The following EFS variants were observed in gnomAD, a reference collection of about 807,000 sequenced individuals.
EFS encodes the protein embryonal Fyn-associated substrate.
In EFS, 34 loss-of-function variants were observed where a neutral mutation model predicts 42.2. That is an observed-to-expected ratio of 0.81 (90% CI 0.61 to 1.07). EFS has a LOEUF of 1.07. Ranked by LOEUF, EFS falls within the 50% of genes least tolerant of loss-of-function variation. EFS has a pLI of 0.00. For missense variants in EFS, 717 were observed against 729.4 expected (o/e 0.98, Z 0.20); for synonymous variants, 299 against 320.7 (o/e 0.93, Z 0.72).
At chr14:23,361,679 CA>C (rs1416271777) in intron 1 of EFS, among the ~76,000 whole-genome samples, 1 of 152,148 alleles carries the variant, frequency 6.6e-6, no homozygotes, top group African/African-American at 2.4e-5. Context: ...ATTCTGTTTC[CA>C]GTCCTGTCTG....
chr14:23,360,148 G>T lies in EFS; in HGVS notation c.431C>A (p.Ala144Asp). 1.2e-6 allele frequency: 2 copies of T among 1,614,162 alleles called. No individual in the cohort carries two copies. Among genetic ancestry groups the T allele is most frequent in the South Asian group, 2.2e-5 (2 of 91,070 alleles). The change falls in exon 3 of 6, where the codon GCC (alanine) becomes GAC (aspartate). Residue 144 changes from alanine (A) to aspartate (D), a missense_variant. Coordinates refer to ENST00000216733, the MANE Select transcript of EFS (RefSeq NM_005864.4). The part of the protein sequence containing the change: ...SGTQLAAPRD[A>D]LEVYDVPPTA... ...GGGACCTCTAGCCCTCACCTCCAAGGCATCTCTGGGAGCAGCCAGCTGGGT... is the reference window on the plus strand; with the variant it reads ...GGGACCTCTAGCCCTCACCTCCAAGTCATCTCTGGGAGCAGCCAGCTGGGT...
intron 5 of EFS, 79 bp from the exon 6 acceptor site, chr14:23,357,739 C>G: frequency 7.8e-7 from 1 of 1,277,692 alleles, no homozygotes. Context: ...TCCTTCCTCT[C>G]TTTCTTCCCA....
At chr14:23,358,077 C>T (rs1281979669) in intron 5 of EFS, among the ~76,000 whole-genome samples, 1 of 152,042 alleles carries the variant, frequency 6.6e-6, no homozygotes, top group Non-Finnish European at 1.5e-5. Flanking sequence ...ATATAATCAA[C>T]ATGAAAATTA....
chr14:23,360,578 C>A lies in EFS; in HGVS notation c.274G>T (p.Asp92Tyr), dbSNP rs1244900401. 6.4e-7 allele frequency: 1 copy of A among 1,561,898 alleles called. No homozygotes were observed. ...ACCTCCTGGTCCTCATTGCTGTGAT[C>A]TGGGGCTGGATATGGTGAGCCAGGC... is the stretch of plus-strand genomic sequence containing the variant. ...AQPGSPYPAPDHSNEDQEVYV... is the reference protein window; with the variant it reads ...AQPGSPYPAPYHSNEDQEVYV... The change falls in exon 2 of 6, where the codon GAT becomes TAT. Residue 92 changes from aspartate to tyrosine, a missense_variant. Transcript: ENST00000216733.
chr14:23,362,861 G>A (rs560352480), intron 1 of EFS, among the ~76,000 whole-genome samples: 3 of 151,702 alleles, frequency 2.0e-5, no homozygotes, highest in South Asian at 4.2e-4. Context: ...CTAAATACCT[G>A]GGATTACCGT....
intron 1 of EFS, among the ~76,000 whole-genome samples, chr14:23,361,205 T>C (rs1389817070): frequency 1.3e-5 from 2 of 152,236 alleles, no homozygotes; most frequent in Non-Finnish European, 2.9e-5. Context: ...ACGGCTATAT[T>C]TCTAGTCCTT....
rs758684896 is a variant in EFS at position 23,359,556 on chromosome 14, G to A, written c.922C>T (p.Pro308Ser). 93 of 1,501,066 alleles carry A rather than the reference G, an allele frequency of 6.2e-5. 1 individual carries two copies. In the South Asian group the frequency reaches 1.2e-3, roughly 19 times the overall value. The allele number at this position is 1,501,066 out of a possible 1,614,324, so 93.0% of individuals were successfully genotyped here. The change falls in exon 4 of 6, where the codon CCT becomes TCT. Residue 308 changes from proline to serine, a missense_variant. Transcript: ENST00000216733. Reference sequence around the variant, plus strand: ...GGGGCCTCAGGGACAGGCAGGGCAGGCAGAGGGCGGCGGGACAGGCTCTCA... The same window carrying A: ...GGGGCCTCAGGGACAGGCAGGGCAGACAGAGGGCGGCGGGACAGGCTCTCA... ...SAESLSRRPLPALPVPEAPSP... is the reference protein window; with the variant it reads ...SAESLSRRPLSALPVPEAPSP...
intron 1 of EFS, among the ~76,000 whole-genome samples, chr14:23,364,377 AG>A: frequency 6.6e-6 from 1 of 152,256 alleles, no homozygotes; most frequent in Non-Finnish European, 1.5e-5. Context: ...TAGGTGGCAG[AG>A]AGCCTCTGTG....
chr14:23,360,245 TTG>T lies in EFS; in HGVS notation c.332_333del (p.Pro111HisfsTer14), dbSNP rs1355439348. 1 of 1,613,512 alleles carries T rather than the reference TTG, an allele frequency of 6.2e-7. No homozygotes were observed. Among genetic ancestry groups the T allele is most frequent in the Non-Finnish European group, 8.5e-7 (1 of 1,179,874 alleles). ...YVVPPPARPC[P>X]TSGPPAGPCP... ...CAAGGTCCAGCTGGAGGTCCTGAGG[TTG>T]GACAGGGCCGAGCTGGGGGCGGCAC... is the stretch of plus-strand genomic sequence containing the variant. On this transcript the variant is annotated frameshift_variant, in exon 3 of 6. Coordinates refer to ENST00000216733, the MANE Select transcript of EFS (RefSeq NM_005864.4). LOFTEE classifies it high-confidence loss of function.
In EFS at chr14:23,360,055, G is replaced by A. The variant is rs770322890; in HGVS notation, c.439-16C>T. ...CATCGTAGACCTGCGGAAAGGAGTG[G>A]TCAGTCATCTGTCAGCTCAGCGATG... On this transcript the variant is annotated splice_polypyrimidine_tract_variant and intron_variant, in intron 3 of 5. Coordinates refer to ENST00000216733, the MANE Select transcript of EFS (RefSeq NM_005864.4). The A allele has an allele frequency of 6.2e-7, 1 of 1,613,868 alleles. No individual in the cohort carries two copies. Among genetic ancestry groups the A allele is most frequent in the South Asian group, 1.1e-5 (1 of 91,054 alleles).
At chr14:23,361,158 T>C (rs1595028440) in intron 1 of EFS, among the ~76,000 whole-genome samples, 2 of 152,358 alleles carry the variant, frequency 1.3e-5, no homozygotes, top group Middle Eastern at 6.8e-3. Context: ...TTTGTATCGA[T>C]TTCTTCCCTT....
intron 4 of EFS, 138 bp downstream of exon 4, chr14:23,359,179 G>C: frequency 7.3e-7 from 1 of 1,374,280 alleles, no homozygotes; most frequent in Non-Finnish European, 1.0e-6. Flanking sequence ...GCCAAGTACT[G>C]GGGTCCCAGG....
Position 23,360,832 on chromosome 14 carries a change from G to A in EFS, c.20C>T (p.Thr7Ile). 2.5e-6 allele frequency: 4 copies of A among 1,609,502 alleles called. No homozygotes were observed. Among genetic ancestry groups the A allele is most frequent in the Non-Finnish European group, 2.5e-6 (3 of 1,177,464 alleles). MAIATSTQLARALYDNT... is the reference protein window; with the variant it reads MAIATSIQLARALYDNT... ...GTCATACAGTGCCCGGGCCAGCTGG[G>A]TCTGGTTGGGGAGGTGGGAGTGGGG... The change falls in exon 2 of 6, where the codon ACC becomes ATC. Residue 7 changes from threonine to isoleucine, a missense_variant and splice_region_variant. Transcript: ENST00000216733.
At chr14:23,361,100 C>T (rs1389801011) in intron 1 of EFS, among the ~76,000 whole-genome samples, 1 of 152,204 alleles carries the variant, frequency 6.6e-6, no homozygotes, top group Non-Finnish European at 1.5e-5. Context: ...TTTGTCTCCA[C>T]CTATTGTTTC....
rs140113420 is a variant in EFS at position 23,358,885 on chromosome 14, C to G, written c.1242G>C (p.Pro414=). 1.6e-5 allele frequency: 25 copies of G among 1,611,516 alleles called. No individual in the cohort carries two copies. Among genetic ancestry groups the G allele is most frequent in the East Asian group, 4.5e-5 (2 of 44,836 alleles). ...TTCCCGCCAGGGTCACCTGCGGCGC[C>G]GGCATCCCCCTCTCGGGCAGTTCAG... is the stretch of plus-strand genomic sequence containing the variant. The part of the protein sequence containing the change: ...GDPELPERGM[P]APQEALSPGE... Residue 414 remains proline, a synonymous_variant, in exon 5 of 6, where the codon CCG becomes CCC. Transcript: ENST00000216733.
Position 23,357,393 on chromosome 14 carries a change from C to T in EFS, c.1519G>A (p.Ala507Thr), listed in dbSNP as rs755297832. The T allele has an allele frequency of 6.2e-7, 1 of 1,609,146 alleles. No homozygotes were observed. Among genetic ancestry groups the T allele is most frequent in the Non-Finnish European group, 8.5e-7 (1 of 1,176,684 alleles). ...SAPLRAQVRA[A>T]GTALGQALRA... ...AATGCCTGGCCCAGTGCTGTACCTGCAGCCCTGACCTGTGCTCTCAGAGGG... is the reference window on the plus strand; with the variant it reads ...AATGCCTGGCCCAGTGCTGTACCTGTAGCCCTGACCTGTGCTCTCAGAGGG... Residue 507 changes from alanine (A) to threonine (T), a missense_variant, in exon 6 of 6, where the codon GCA becomes ACA. Coordinates refer to ENST00000216733, the MANE Select transcript of EFS (RefSeq NM_005864.4).
chr14:23,359,432 C>T lies in EFS; in HGVS notation c.1046G>A (p.Gly349Asp). 1.2e-6 allele frequency: 2 copies of T among 1,608,512 alleles called. No individual in the cohort carries two copies. Among genetic ancestry groups the T allele is most frequent in the Admixed American group, 1.7e-5 (1 of 59,104 alleles). ...PPPPRLPGYG[G>D]PKVEGDPEGR... is the part of the protein sequence containing the mutation. ...CTCTGGATCCCCCTCGACCTTGGGG[C>T]CTCCATAACCAGGCAGGCGGGGTGG... The change falls in exon 4 of 6, where the codon GGC (glycine) becomes GAC (aspartate). Residue 349 changes from glycine (G) to aspartate (D), a missense_variant. Coordinates refer to ENST00000216733, the MANE Select transcript of EFS (RefSeq NM_005864.4).
At position 23,359,366 on chromosome 14, in the gene EFS, T is replaced by A; in HGVS notation, c.1112A>T (p.Glu371Val). 1 of 1,613,058 alleles carries A rather than the reference T, an allele frequency of 6.2e-7. No homozygotes were observed. The highest frequency in any genetic ancestry group is 8.5e-7 in the Non-Finnish European group (1 of 1,179,932). Residue 371 changes from glutamate (E) to valine (V), a missense_variant, in exon 4 of 6, where the codon GAG (glutamate) becomes GTG (valine). Coordinates refer to ENST00000216733, the MANE Select transcript of EFS (RefSeq NM_005864.4). ...CTCGGCCATCGGAATGCCCTCGTAC[T>A]CATTGTGGTGTCCTGCTGGGTCATC... ...MEDDPAGHHN[E>V]YEGIPMAEEY...
intron 2 of EFS, 49 bp downstream of exon 2, chr14:23,360,506 G>A (rs1890110192): frequency 1.3e-6 from 2 of 1,517,504 alleles, no homozygotes; most frequent in South Asian, 1.3e-5. Flanking sequence ...GCTAGTTGGG[G>A]AGGAATGGGG....
Sources: allele counts gnomAD v4.1 joint callset (sites outside exome capture counted in the v4.1 genomes callset), GRCh38; gene constraint gnomAD v4.1.1; transcripts MANE v1.5; gene names NCBI Gene and HGNC (gene_info 2026-07-23, HGNC 2026-07-21).